DRC3: variants seen among roughly 807,000 people sequenced by gnomAD.
DRC3 encodes dynein regulatory complex subunit 3, also known as leucine rich repeat containing 48.
In DRC3, 45 loss-of-function variants were observed where a neutral mutation model predicts 57.6. That is an observed-to-expected ratio of 0.78 (90% CI 0.62 to 1.00). The LOEUF (loss-of-function observed/expected upper bound fraction) is 1.00, where lower values mean the gene tolerates loss of function less well. Ranked by LOEUF, DRC3 falls within the 50% of genes least tolerant of loss-of-function variation. The pLI, the probability that DRC3 is intolerant of heterozygous loss-of-function variation, is 0.00. For synonymous variants in DRC3, 257 were observed against 272.3 expected (o/e 0.94, Z 0.55); for missense variants, 655 against 675.2 (o/e 0.97, Z 0.33).
chr17:17,977,728 G>C lies in DRC3; in HGVS notation c.130G>C (p.Asp44His). ...CAAGCAGGAGGGCATCCTCTTCAAG[G>C]ATGTCCTGTCCCTGCAGCTGGACTT... ...LAKQEGILFKDVLSLQLDFRN... is the reference protein window; with the variant it reads ...LAKQEGILFKHVLSLQLDFRN... Residue 44 changes from aspartate to histidine, a missense_variant, in exon 3 of 14, where the codon GAT (aspartate) becomes CAT (histidine). Transcript: ENST00000399187. 6.2e-7 allele frequency: 1 copy of C among 1,612,142 alleles called. No homozygotes were observed. Among genetic ancestry groups the C allele is most frequent in the Non-Finnish European group, 8.5e-7 (1 of 1,178,884 alleles).
Position 17,973,949 on chromosome 17 carries a change from A to AAC in DRC3, c.-28_-27dup, listed in dbSNP as rs2042259144. On this transcript the variant is annotated 5_prime_UTR_variant, in exon 2 of 14. Coordinates refer to ENST00000399187, the MANE Select transcript of DRC3 (RefSeq NM_031294.4). ...AGCTCCAACCTCTCTGGTCTTCAAC[A>AAC]ACACTATCATCAGGCAAGTCAAAGG... The AAC allele has an allele frequency of 6.6e-6, 1 of 152,280 alleles. No homozygotes were observed. Among genetic ancestry groups the AAC allele is most frequent in the African/African-American group, 2.4e-5 (1 of 41,472 alleles). The allele number at this position is 152,280 out of a possible 1,614,324, so 9.4% of individuals were successfully genotyped here. A position where few individuals can be genotyped will look rare whatever the true frequency, so the allele number is the denominator to read the frequency against.
intron 12 of DRC3, among the ~76,000 whole-genome samples, chr17:18,014,639 T>C (rs2044289917): frequency 6.6e-6 from 1 of 152,236 alleles, no homozygotes; most frequent in Admixed American, 6.5e-5. Context: ...TTTCTACATA[T>C]TCAAACTCTG....
chr17:17,999,962 A>G (rs989061236), intron 9 of DRC3, among the ~76,000 whole-genome samples: 6 of 149,656 alleles, frequency 4.0e-5, no homozygotes, highest in African/African-American at 7.4e-5. Context: ...AGCATGCCCT[A>G]TTCTGTACTT....
intron 9 of DRC3, among the ~76,000 whole-genome samples, chr17:18,002,941 T>C (rs2043795868): frequency 6.6e-6 from 1 of 152,064 alleles, no homozygotes; most frequent in Non-Finnish European, 1.5e-5. Flanking sequence ...AGCATACAAA[T>C]TTTATTGAGT....
intron 2 of DRC3, among the ~76,000 whole-genome samples, chr17:17,975,179 A>C (rs1431218953): frequency 1.3e-5 from 2 of 151,922 alleles, no homozygotes; most frequent in African/African-American, 4.8e-5. Flanking sequence ...TTTGAAATCA[A>C]AATTAAGAGT....
At chr17:17,978,208 T>C (rs1298590757) in intron 3 of DRC3, among the ~76,000 whole-genome samples, 1 of 152,080 alleles carries the variant, frequency 6.6e-6, no homozygotes, top group African/African-American at 2.4e-5. Flanking sequence ...AAAGACAGGC[T>C]GGTAGCAGGA....
chr17:17,991,284 CTTTTTTTTTT>C (rs751138192), intron 5 of DRC3, among the ~76,000 whole-genome samples: 5 of 74,000 alleles, frequency 6.8e-5, no homozygotes, highest in African/African-American at 2.3e-4. Context: ...TGAAGTATTG[CTTTTTTTTTT>C]TTTTTTTTTT....
At chr17:18,016,341 G>A in intron 13 of DRC3, 146 bp downstream of exon 13, 1 of 979,244 alleles carries the variant, frequency 1.0e-6, no homozygotes, top group Non-Finnish European at 1.5e-6. Flanking sequence ...CCACACTGAA[G>A]ACAACATTGC....
At chr17:17,985,692 A>G (rs2042923799) in intron 4 of DRC3, among the ~76,000 whole-genome samples, 1 of 152,098 alleles carries the variant, frequency 6.6e-6, no homozygotes. Flanking sequence ...GAGTATTTAC[A>G]CCACAGAAAT....
intron 4 of DRC3, among the ~76,000 whole-genome samples, chr17:17,984,786 C>T (rs1035440694): frequency 6.6e-6 from 1 of 152,256 alleles, no homozygotes; most frequent in African/African-American, 2.4e-5. Flanking sequence ...TCCTATTAGG[C>T]GGTCTTCTGG....
intron 3 of DRC3, among the ~76,000 whole-genome samples, chr17:17,980,981 CA>C (rs1300236385): frequency 6.6e-6 from 1 of 152,148 alleles, no homozygotes; most frequent in Non-Finnish European, 1.5e-5. Flanking sequence ...TTGAAGACTG[CA>C]AAAAATAAAA....
At chr17:17,979,942 G>T (rs539837065) in intron 3 of DRC3, among the ~76,000 whole-genome samples, 1 of 152,088 alleles carries the variant, frequency 6.6e-6, no homozygotes, top group Non-Finnish European at 1.5e-5. Flanking sequence ...CGGCTCTAGG[G>T]GAAGGGCAGT....
intron 3 of DRC3, among the ~76,000 whole-genome samples, chr17:17,982,236 G>T (rs2145231310): frequency 7.4e-6 from 1 of 134,844 alleles, no homozygotes; most frequent in Admixed American, 7.4e-5. Flanking sequence ...TTTTTTTTGA[G>T]ATGGAGTCTC....
At chr17:18,016,246 A>T in intron 13 of DRC3, 51 bp downstream of exon 13, 12 of 1,593,448 alleles carry the variant, frequency 7.5e-6, no homozygotes, top group Non-Finnish European at 1.0e-5. Flanking sequence ...TTTCTAGCTG[A>T]CATGGAAATC....
intron 13 of DRC3, 128 bp downstream of exon 13, chr17:18,016,323 A>G (rs1466278941): frequency 8.9e-7 from 1 of 1,122,860 alleles, no homozygotes; most frequent in Non-Finnish European, 1.3e-6. Flanking sequence ...ATTAAGGATT[A>G]TAGAATTCCA....
intron 7 of DRC3, 139 bp downstream of exon 7, chr17:17,994,557 C>T (rs2043376199): frequency 1.6e-6 from 2 of 1,238,594 alleles, no homozygotes; most frequent in African/African-American, 1.5e-5. Context: ...CTGATGCCCT[C>T]TCCCTTCCTG....
rs148204241 is a variant in DRC3 at position 17,988,401 on chromosome 17, G to A, written c.444+303G>A. ...AGGTACATACCTGTTAGTGTTGGGC[G>A]TATGTCCTGTGCTCACTGGGAACAG... On this transcript the variant is annotated intron_variant, in intron 5 of 13. Coordinates refer to ENST00000399187, the MANE Select transcript of DRC3 (RefSeq NM_031294.4). 100 of 358,654 alleles carry A rather than the reference G, an allele frequency of 2.8e-4. 1 individual carries two copies. The East Asian group carries it at 5.3e-3, about 19-fold the overall frequency. The allele number at this position is 358,654 out of a possible 1,614,324, so 22.2% of individuals were successfully genotyped here. A position where few individuals can be genotyped will look rare whatever the true frequency, so the allele number is the denominator to read the frequency against.
chr17:17,973,305 C>T (rs1352378898), intron 1 of DRC3, among the ~76,000 whole-genome samples: 1 of 152,166 alleles, frequency 6.6e-6, no homozygotes, highest in East Asian at 1.9e-4. Context: ...ATAACTTTTC[C>T]CAGAATTTAG....
intron 8 of DRC3, among the ~76,000 whole-genome samples, chr17:17,996,593 GT>G (rs778985103): frequency 6.6e-6 from 1 of 152,144 alleles, no homozygotes; most frequent in Non-Finnish European, 1.5e-5. Flanking sequence ...TTCAAGATGA[GT>G]TTGGGTGGAG....
Sources: gnomAD v4.1 joint callset for allele counts (sites outside exome capture counted in the v4.1 genomes callset) on GRCh38, gnomAD v4.1.1 for gene constraint, MANE v1.5 for transcripts, NCBI Gene and HGNC (gene_info 2026-07-23, HGNC 2026-07-21) for gene names.